Variants in SPMIP6 observed in about 807,000 individuals in gnomAD.
SPMIP6 encodes the protein ciliated bronchial epithelial protein 1.
the SPMIP6 span, among the ~76,000 whole-genome samples, chr9:34,392,075 G>A: frequency 6.6e-6 from 1 of 151,968 alleles, no homozygotes; most frequent in Non-Finnish European, 1.5e-5. This position sits in a 1 kb window ranked among gnomAD's most constrained non-coding sequence, Gnocchi z 4.6. Flanking sequence ...TTGTTTGTTT[G>A]TTTGTTTTGT....
At chr9:34,392,062 GGTTTGTTT>G in the SPMIP6 span, among the ~76,000 whole-genome samples, 2 of 151,958 alleles carry the variant, frequency 1.3e-5, no homozygotes, top group Non-Finnish European at 1.5e-5. This position sits in a 1 kb window ranked among gnomAD's most constrained non-coding sequence, Gnocchi z 4.6. Context: ...AGGCTGGCAT[GGTTTGTTT>G]GTTTGTTTGT....
the SPMIP6 span, chr9:34,380,807 C>A: frequency 6.9e-7 from 1 of 1,448,766 alleles, no homozygotes; most frequent in Non-Finnish European, 9.2e-7. Context: ...GGGGCCTGCA[C>A]GGAAGCTGGC....
At chr9:34,384,851 G>A in the SPMIP6 span, among the ~76,000 whole-genome samples, 1 of 152,310 alleles carries the variant, frequency 6.6e-6, no homozygotes, top group South Asian at 2.1e-4. Flanking sequence ...ATGTTTCCGA[G>A]AACCTAGGCT....
chr9:34,395,718 G>T, the SPMIP6 span, among the ~76,000 whole-genome samples: 1 of 152,090 alleles, frequency 6.6e-6, no homozygotes, highest in African/African-American at 2.4e-5. Context: ...GTTCTCAAAT[G>T]AACTCCAAAT....
the SPMIP6 span, chr9:34,379,597 C>T: frequency 6.5e-7 from 1 of 1,544,684 alleles, no homozygotes; most frequent in Non-Finnish European, 9.0e-7. This position sits in a 1 kb window ranked among gnomAD's most constrained non-coding sequence, Gnocchi z 4.2. Flanking sequence ...CCCGCCTCAC[C>T]AAGCCTTCAG....
the SPMIP6 span, among the ~76,000 whole-genome samples, chr9:34,392,118 G>C: frequency 6.6e-6 from 1 of 152,066 alleles, no homozygotes; most frequent in African/African-American, 2.4e-5. This position sits in a 1 kb window ranked among gnomAD's most constrained non-coding sequence, Gnocchi z 4.6. Context: ...TGTCACCCAG[G>C]CTGGAGCACA....
the SPMIP6 span, chr9:34,381,157 G>C: frequency 6.4e-7 from 1 of 1,562,542 alleles, no homozygotes; most frequent in East Asian, 2.3e-5. The surrounding 1 kb of genome is among the most constrained non-coding windows in gnomAD (Gnocchi z 4.4). Context: ...CCCAGCGCAG[G>C]AGACCCAAAG....
chr9:34,394,561 T>C, the SPMIP6 span, among the ~76,000 whole-genome samples: 7 of 152,302 alleles, frequency 4.6e-5, no homozygotes, highest in African/African-American at 2.4e-5. Flanking sequence ...TGGTTTGTTT[T>C]CTTTTATCTC....
chr9:34,388,624 C>T, the SPMIP6 span, among the ~76,000 whole-genome samples: 9 of 152,106 alleles, frequency 5.9e-5, no homozygotes, highest in South Asian at 2.1e-4. Context: ...CAGCTTTCTC[C>T]GATCTGCTAA....
chr9:34,382,652 G>C, the SPMIP6 span: 3 of 784,934 alleles, frequency 3.8e-6, no homozygotes, highest in East Asian at 7.4e-5. Context: ...TGTTGGGAAA[G>C]CAATGAGGAC....
the SPMIP6 span, among the ~76,000 whole-genome samples, chr9:34,387,368 C>T: frequency 6.6e-6 from 1 of 152,156 alleles, no homozygotes; most frequent in Non-Finnish European, 1.5e-5. Flanking sequence ...CCTCTCTGCT[C>T]AGGGGCTTCT....
the SPMIP6 span, chr9:34,382,705 G>A: frequency 8.4e-7 from 1 of 1,190,450 alleles, no homozygotes. Flanking sequence ...GAGGTGGTGG[G>A]GTATGCGTGT....
chr9:34,382,818 C>T, the SPMIP6 span: 14 of 1,614,210 alleles, frequency 8.7e-6, no homozygotes, highest in East Asian at 2.9e-4. Context: ...AGGTTCCATC[C>T]TCCATGTGTT....
At chr9:34,385,923 C>T in the SPMIP6 span, 54 of 740,306 alleles carry the variant, frequency 7.3e-5, 1 homozygote, top group South Asian at 1.0e-3. Context: ...GAGGGATTCC[C>T]ATGCTAGCCT....
chr9:34,381,583 C>T, the SPMIP6 span: 37 of 1,477,660 alleles, frequency 2.5e-5, no homozygotes, highest in East Asian at 8.4e-4. This position sits in a 1 kb window ranked among gnomAD's most constrained non-coding sequence, Gnocchi z 4.4. Context: ...CTCCAGGGCT[C>T]TGTGTTGGCG....
At chr9:34,391,756 G>A in the SPMIP6 span, among the ~76,000 whole-genome samples, 1 of 152,042 alleles carries the variant, frequency 6.6e-6, no homozygotes, top group African/African-American at 2.4e-5. Flanking sequence ...TTAGAATTCT[G>A]TTTATGTTTG....
At chr9:34,380,556 T>G in the SPMIP6 span, 10 of 1,267,490 alleles carry the variant, frequency 7.9e-6, no homozygotes, top group East Asian at 6.8e-5. Flanking sequence ...GCCAAGGAGA[T>G]GGGGGAAGAG....
At chr9:34,379,051 C>A in the SPMIP6 span, 1 of 1,357,858 alleles carries the variant, frequency 7.4e-7, no homozygotes. This position sits in a 1 kb window ranked among gnomAD's most constrained non-coding sequence, Gnocchi z 4.2. Context: ...ATTGCTCTGC[C>A]CCCTTGGCAC....
At chr9:34,388,866 G>A in the SPMIP6 span, among the ~76,000 whole-genome samples, 1 of 150,692 alleles carries the variant, frequency 6.6e-6, no homozygotes, top group Admixed American at 6.6e-5. Flanking sequence ...TGTTGCAAAT[G>A]TATATAAAAG....
Sources: allele counts gnomAD v4.1 joint callset (sites outside exome capture counted in the v4.1 genomes callset), GRCh38; gene constraint gnomAD v4.1.1; non-coding constraint Gnocchi (gnomAD v3.1); transcripts MANE v1.5; gene names NCBI Gene and HGNC (gene_info 2026-07-23, HGNC 2026-07-21).